Variants in GPR176 observed in about 807,000 individuals in gnomAD.
The protein encoded by GPR176 is G protein-coupled receptor 176.
In GPR176, 26 loss-of-function variants were observed where a neutral mutation model predicts 35.4. That is an observed-to-expected ratio of 0.74 (90% CI 0.54 to 1.02). The LOEUF (loss-of-function observed/expected upper bound fraction) is 1.02. GPR176 is among the 50% of genes least tolerant of loss of function. The pLI is 0.00. For synonymous variants in GPR176, 278 were observed against 271.3 expected (o/e 1.02, Z -0.24); for missense variants, 597 against 665.3 (o/e 0.90, Z 1.13).
chr15:39,898,396 T>C (rs1032079470), intron 1 of GPR176, among the ~76,000 whole-genome samples: 1 of 152,188 alleles, frequency 6.6e-6, no homozygotes, highest in African/African-American at 2.4e-5. Flanking sequence ...AACACAGGTG[T>C]CCTTCCTTTC....
At position 39,806,998 on chromosome 15, in the gene GPR176, G is replaced by A. The variant is rs1835442018; in HGVS notation, c.425+8C>T. 7.5e-6 allele frequency: 12 copies of A among 1,596,438 alleles called. No homozygotes were observed. The highest frequency in any genetic ancestry group is 1.0e-5 in the Non-Finnish European group (12 of 1,174,212). ...AAAAAAAGTTAGCTCCTGGCTACCT[G>A]ATCTTACCTGTCCAAAGCAATAGCA... is the stretch of plus-strand genomic sequence containing the variant. On this transcript the variant is annotated splice_region_variant and intron_variant, in intron 2 of 2. Transcript: ENST00000561100.
intron 1 of GPR176, among the ~76,000 whole-genome samples, chr15:39,848,156 T>C (rs1429737242): frequency 1.3e-5 from 2 of 152,130 alleles, no homozygotes; most frequent in Non-Finnish European, 2.9e-5. Context: ...CAATTCGACA[T>C]GAGATTTGGG....
intron 2 of GPR176, among the ~76,000 whole-genome samples, chr15:39,805,115 A>G (rs1402275828): frequency 6.6e-6 from 1 of 152,240 alleles, no homozygotes; most frequent in Non-Finnish European, 1.5e-5. Context: ...AGTCCAGAAT[A>G]TCAAACTGAA....
At chr15:39,858,835 C>T (rs2031412238) in intron 1 of GPR176, among the ~76,000 whole-genome samples, 1 of 152,144 alleles carries the variant, frequency 6.6e-6, no homozygotes, top group East Asian at 1.9e-4. Context: ...CAGCCTCCAC[C>T]TCTCAGGTTC....
At chr15:39,880,742 C>T (rs1226229203) in intron 1 of GPR176, among the ~76,000 whole-genome samples, 1 of 152,128 alleles carries the variant, frequency 6.6e-6, no homozygotes, top group Non-Finnish European at 1.5e-5. Context: ...GCAACCTTCA[C>T]CCCTGGTCAA....
At chr15:39,918,177 T>C (rs1055443217) in intron 1 of GPR176, among the ~76,000 whole-genome samples, 12 of 152,208 alleles carry the variant, frequency 7.9e-5, no homozygotes, top group Admixed American at 5.9e-4. Flanking sequence ...GGAGAAAAGC[T>C]GAAATAAGGA....
chr15:39,823,916 C>G (rs1383725758), intron 1 of GPR176, among the ~76,000 whole-genome samples: 7 of 152,206 alleles, frequency 4.6e-5, no homozygotes, highest in Non-Finnish European at 4.4e-5. Context: ...TTCTCCTCTG[C>G]CTGGGTGGCT....
chr15:39,892,246 T>A (rs2032900743), intron 1 of GPR176, among the ~76,000 whole-genome samples: 1 of 152,196 alleles, frequency 6.6e-6, no homozygotes, highest in Admixed American at 6.5e-5. Flanking sequence ...GAGCTATTTC[T>A]TACTATCAGA....
rs1470009731 is a variant in GPR176, at chr15:39,808,981, T to A, written c.173-1723A>T. Reference sequence around the variant, plus strand: ...AGACTACAGTTTCTTTTAAACCACTTTTAGACAGAGTCCACAGCCCCATGC... The same window carrying A: ...AGACTACAGTTTCTTTTAAACCACTATTAGACAGAGTCCACAGCCCCATGC... On this transcript the variant is annotated intron_variant, in intron 1 of 2. Transcript: ENST00000561100. Among the ~76,000 whole-genome samples, 3 of 152,286 alleles carry A rather than the reference T, an allele frequency of 2.0e-5. No individual in the cohort carries two copies. The East Asian group carries it at 5.8e-4, about 29-fold the overall frequency.
At chr15:39,913,994 T>C (rs748193902) in intron 1 of GPR176, among the ~76,000 whole-genome samples, 60 of 152,190 alleles carry the variant, frequency 3.9e-4, no homozygotes, top group Non-Finnish European at 7.1e-4. Context: ...CGCAGTGAGC[T>C]GAGATAGCGC....
At chr15:39,898,959 A>G (rs1406649901) in intron 1 of GPR176, among the ~76,000 whole-genome samples, 1 of 152,114 alleles carries the variant, frequency 6.6e-6, no homozygotes, top group Non-Finnish European at 1.5e-5. Context: ...AAGTGTGGGA[A>G]TAAGAACTTG....
At chr15:39,909,900 T>C in intron 1 of GPR176, 1 of 980,368 alleles carries the variant, frequency 1.0e-6, no homozygotes, top group Non-Finnish European at 1.2e-6. Context: ...GGCAAGCTAG[T>C]CCTTTTAAAG....
At chr15:39,858,582 G>A (rs1407754461) in intron 1 of GPR176, among the ~76,000 whole-genome samples, 1 of 152,058 alleles carries the variant, frequency 6.6e-6, no homozygotes, top group Non-Finnish European at 1.5e-5. Flanking sequence ...GTGTGGTGGT[G>A]CACACATGTA....
intron 1 of GPR176, chr15:39,828,958 AT>A (rs1168549826): frequency 9.3e-6 from 6 of 642,336 alleles, no homozygotes; most frequent in Non-Finnish European, 8.5e-6. Context: ...ACTAGCCAGA[AT>A]TTAGTGAATA....
chr15:39,827,758 A>G (rs1218493269), intron 1 of GPR176, among the ~76,000 whole-genome samples: 1 of 152,232 alleles, frequency 6.6e-6, no homozygotes, highest in Non-Finnish European at 1.5e-5. Flanking sequence ...TCACTTTTGC[A>G]CCAATCTAAT....
chr15:39,866,527 A>C (rs2031836322), intron 1 of GPR176, among the ~76,000 whole-genome samples: 1 of 152,140 alleles, frequency 6.6e-6, no homozygotes, highest in African/African-American at 2.4e-5. Context: ...GAAATAGCAA[A>C]CTTCACTAGT....
intron 1 of GPR176, among the ~76,000 whole-genome samples, chr15:39,905,742 C>T (rs910365223): frequency 3.9e-5 from 6 of 152,042 alleles, no homozygotes; most frequent in African/African-American, 7.3e-5. Context: ...ATTTCTATAA[C>T]GATCTTGAAT....
chr15:39,908,479 T>C (rs2033483892), intron 1 of GPR176, among the ~76,000 whole-genome samples: 1 of 146,582 alleles, frequency 6.8e-6, no homozygotes, highest in Non-Finnish European at 1.6e-5. Flanking sequence ...AAAAATACTA[T>C]ATGTTATCAG....
In GPR176 at chr15:39,913,339, G is replaced by A. The variant is rs1456707681; in HGVS notation, c.172+6516C>T. 3.3e-5 allele frequency among the ~76,000 whole-genome samples: 5 copies of A among 152,212 alleles called. No individual in the cohort carries two copies. In the East Asian group the frequency reaches 9.7e-4, roughly 29 times the overall value. Reference sequence around the variant, plus strand: ...GTTGACGGATTGCTTGAGTCCAGGAGTTTGAGACCAGCCTGGGCAATGTGG... The same window carrying A: ...GTTGACGGATTGCTTGAGTCCAGGAATTTGAGACCAGCCTGGGCAATGTGG... On this transcript the variant is annotated intron_variant, in intron 1 of 2. Coordinates refer to ENST00000561100, the MANE Select transcript of GPR176 (RefSeq NM_007223.3).
Sources: gnomAD v4.1 joint callset for allele counts (sites outside exome capture counted in the v4.1 genomes callset) on GRCh38, gnomAD v4.1.1 for gene constraint, MANE v1.5 for transcripts, NCBI Gene and HGNC (gene_info 2026-07-23, HGNC 2026-07-21) for gene names.